Variants in CTNNA3 observed in about 807,000 individuals in gnomAD.
CTNNA3 encodes the protein catenin alpha 3.
Under a neutral mutation model 95.7 loss-of-function variants are expected in CTNNA3, and 76 were observed. The ratio of observed to expected loss-of-function variants is 0.79; its 90% CI spans 0.66 to 0.96. The LOEUF is 0.96. Ranked by LOEUF, CTNNA3 falls within the 40% of genes least tolerant of loss-of-function variation. The probability of loss-of-function intolerance (pLI) is 0.00; values close to 1 mark genes in which losing one functional copy is unlikely to be tolerated. For synonymous variants in CTNNA3, 431 were observed against 374.4 expected (o/e 1.15, Z -1.74); for missense variants, 1,191 against 1,089.8 (o/e 1.09, Z -1.31).
chr10:67,058,743 T>C (rs141046506), intron 7 of CTNNA3, among the ~76,000 whole-genome samples: 6 of 152,316 alleles, frequency 3.9e-5, no homozygotes, highest in Non-Finnish European at 8.8e-5. Flanking sequence ...TTACCTGTTG[T>C]GTATCTAAGG....
chr10:66,060,077 A>G (rs1349671683), intron 15 of CTNNA3, among the ~76,000 whole-genome samples: 4 of 152,066 alleles, frequency 2.6e-5, no homozygotes, highest in African/African-American at 7.2e-5. Flanking sequence ...AAGGAAATGC[A>G]TCCTAGGTGA....
At chr10:67,067,491 GT>G (rs993428788) in intron 7 of CTNNA3, among the ~76,000 whole-genome samples, 4 of 152,148 alleles carry the variant, frequency 2.6e-5, no homozygotes, top group Non-Finnish European at 5.9e-5. Context: ...AGTCCACAAA[GT>G]TTGGCAGGTT....
chr10:66,419,225 A>G (rs1312239201), intron 11 of CTNNA3, among the ~76,000 whole-genome samples: 2 of 152,160 alleles, frequency 1.3e-5, no homozygotes, highest in African/African-American at 4.8e-5. Context: ...CTATACACCA[A>G]TAATGAAATA....
At chr10:67,367,039 G>C (rs1055532805) in intron 5 of CTNNA3, among the ~76,000 whole-genome samples, 1 of 152,052 alleles carries the variant, frequency 6.6e-6, no homozygotes, top group South Asian at 2.1e-4. Context: ...CCTTGGAAAA[G>C]AATTTATGGC....
chr10:65,940,444 A>G (rs2077411524), intron 17 of CTNNA3, among the ~76,000 whole-genome samples: 1 of 152,210 alleles, frequency 6.6e-6, no homozygotes, highest in African/African-American at 2.4e-5. Flanking sequence ...TGTTTTTTAT[A>G]TTAATGGCCA....
intron 7 of CTNNA3, among the ~76,000 whole-genome samples, chr10:66,930,819 G>A (rs1418453178): frequency 1.3e-5 from 2 of 152,014 alleles, no homozygotes; most frequent in African/African-American, 4.8e-5. Flanking sequence ...AGATAAGAAC[G>A]AAAATAAAAT....
At chr10:66,095,995 T>A (rs940504706) in intron 14 of CTNNA3, among the ~76,000 whole-genome samples, 3 of 152,128 alleles carry the variant, frequency 2.0e-5, no homozygotes, top group African/African-American at 7.2e-5. Context: ...TTTGGGGTCA[T>A]CAGTATATAT....
intron 9 of CTNNA3, among the ~76,000 whole-genome samples, chr10:66,709,245 C>T (rs1848215294): frequency 6.6e-6 from 1 of 152,060 alleles, no homozygotes; most frequent in Non-Finnish European, 1.5e-5. Flanking sequence ...GGACCTAAAA[C>T]AGTCCACGGA....
At position 65,914,486 on chromosome 10, in the gene CTNNA3, T is replaced by C. The variant is rs2076983163; in HGVS notation, c.*5844A>G. ...GTAATTTTAAAACACAAAGTTTACC[T>C]GTATTCAGGCACATACTATGCACAC... is the stretch of plus-strand genomic sequence containing the variant. On this transcript the variant is annotated 3_prime_UTR_variant, in exon 18 of 18. Transcript: ENST00000433211. 1 of 152,184 alleles carries C rather than the reference T, an allele frequency of 6.6e-6. No individual in the cohort carries two copies. Among genetic ancestry groups the C allele is most frequent in the Non-Finnish European group, 1.5e-5 (1 of 68,028 alleles). 9.4% of individuals were successfully genotyped at this position (152,184 alleles called of 1,614,324 possible).
intron 16 of CTNNA3, among the ~76,000 whole-genome samples, chr10:65,979,705 C>A (rs1464580457): frequency 6.6e-6 from 1 of 151,702 alleles, no homozygotes; most frequent in African/African-American, 2.4e-5. Flanking sequence ...AGATAATCAC[C>A]CTAGGAGCAT....
intron 16 of CTNNA3, among the ~76,000 whole-genome samples, chr10:65,981,626 C>T (rs906328702): frequency 2.6e-5 from 4 of 151,988 alleles, no homozygotes; most frequent in African/African-American, 9.7e-5. Context: ...ACCAAAACAG[C>T]ATAGTACTGG....
chr10:66,961,354 G>A (rs1241056219), intron 7 of CTNNA3, among the ~76,000 whole-genome samples: 1 of 152,076 alleles, frequency 6.6e-6, no homozygotes, highest in Admixed American at 6.6e-5. Flanking sequence ...TCAGTCTAAA[G>A]TCAGTTCTCC....
At chr10:66,400,395 G>A (rs1328923388) in intron 11 of CTNNA3, among the ~76,000 whole-genome samples, 2 of 151,976 alleles carry the variant, frequency 1.3e-5, no homozygotes, top group African/African-American at 4.8e-5. Context: ...CCAGTGGATA[G>A]CTTTGAAGAG....
At chr10:67,485,905 TTGGTTTTCTTTTG>T (rs1357828170) in intron 5 of CTNNA3, among the ~76,000 whole-genome samples, 1 of 152,218 alleles carries the variant, frequency 6.6e-6, no homozygotes, top group African/African-American at 2.4e-5. Context: ...CACTTCTTTG[TTGGTTTTCTTTTG>T]TTTCAGTGAA....
intron 15 of CTNNA3, among the ~76,000 whole-genome samples, chr10:66,040,907 A>G (rs1004414808): frequency 3.3e-5 from 5 of 152,180 alleles, no homozygotes; most frequent in Non-Finnish European, 7.3e-5. Context: ...TGGATGTCCA[A>G]ATTAGTATGC....
chr10:65,949,129 G>A (rs2077570468), intron 17 of CTNNA3, among the ~76,000 whole-genome samples: 1 of 152,082 alleles, frequency 6.6e-6, no homozygotes, highest in Non-Finnish European at 1.5e-5. Flanking sequence ...CTTTCTGGCT[G>A]CATTTCTAGA....
chr10:66,360,650 T>C (rs868395539), intron 12 of CTNNA3, among the ~76,000 whole-genome samples: 1,275 of 68,860 alleles, frequency 0.019, 31 homozygotes, highest in African/African-American at 0.074. Context: ...TTTCTTTCTT[T>C]CTTTCTTTCT....
At chr10:66,035,432 TTAAA>T (rs2079540266) in intron 15 of CTNNA3, among the ~76,000 whole-genome samples, 1 of 151,872 alleles carries the variant, frequency 6.6e-6, no homozygotes, top group Admixed American at 6.6e-5. Flanking sequence ...AGCAAATAAT[TTAAA>T]TAAACAAATA....
intron 13 of CTNNA3, among the ~76,000 whole-genome samples, chr10:66,183,100 T>A (rs2086140126): frequency 6.6e-6 from 1 of 152,078 alleles, no homozygotes; most frequent in Admixed American, 6.5e-5. Context: ...GGCTACTATA[T>A]CAACTGGAGA....
Sources: gnomAD v4.1 joint callset for allele counts (sites outside exome capture counted in the v4.1 genomes callset) on GRCh38, gnomAD v4.1.1 for gene constraint, MANE v1.5 for transcripts, NCBI Gene and HGNC (gene_info 2026-07-23, HGNC 2026-07-21) for gene names.